Variants in CEP128 observed in about 807,000 individuals in gnomAD.
CEP128 encodes centrosomal protein 128.
In CEP128, 132 loss-of-function variants were observed where a neutral mutation model predicts 156.7. The ratio of observed to expected loss-of-function variants is 0.84; its 90% CI spans 0.73 to 0.97. CEP128 has a LOEUF of 0.97. Ranked by LOEUF, CEP128 falls within the 50% of genes least tolerant of loss-of-function variation. The probability of loss-of-function intolerance (pLI) is 0.00; values close to 1 mark genes in which losing one functional copy is unlikely to be tolerated. For synonymous variants in CEP128, 469 were observed against 448.9 expected, an observed-to-expected ratio of 1.04 and a Z score of -0.57; for missense variants, 1,252 against 1,281.9, an observed-to-expected ratio of 0.98 and a Z score of 0.36.
intron 19 of CEP128, among the ~76,000 whole-genome samples, chr14:80,647,980 T>A (rs1370002335): frequency 6.6e-6 from 1 of 152,110 alleles, no homozygotes; most frequent in Non-Finnish European, 1.5e-5. Flanking sequence ...CCAAACTTAA[T>A]TCCAAGGTTC....
Position 80,753,574 on chromosome 14 carries a change from C to T in CEP128, c.2613+3318G>A, listed in dbSNP as rs530730740. Reference sequence around the variant, plus strand: ...AGTCCATCCTGAGAGTGCTGGCCTGCGCTAGATTTGACATGTTATCCCTAC... The same window carrying T: ...AGTCCATCCTGAGAGTGCTGGCCTGTGCTAGATTTGACATGTTATCCCTAC... On this transcript the variant is annotated intron_variant, in intron 18 of 24. Coordinates refer to ENST00000555265, the MANE Select transcript of CEP128 (RefSeq NM_152446.5). 1.2e-4 allele frequency among the ~76,000 whole-genome samples: 18 copies of T among 152,250 alleles called. No individual in the cohort carries two copies. The East Asian group carries it at 1.7e-3, about 15-fold the overall frequency.
intron 7 of CEP128, 112 bp downstream of exon 7, chr14:80,899,826 C>T (rs898359337): frequency 4.0e-5 from 27 of 680,098 alleles, no homozygotes; most frequent in Admixed American, 1.0e-4. Context: ...TTTTAAGGTA[C>T]TGTATACAAA....
At chr14:80,651,588 C>T (rs1476261145) in intron 19 of CEP128, among the ~76,000 whole-genome samples, 1 of 152,068 alleles carries the variant, frequency 6.6e-6, no homozygotes, top group African/African-American at 2.4e-5. Flanking sequence ...ACTGCTTTAG[C>T]TGTGTCCCAG....
rs1889323057 is a variant in CEP128, at chr14:80,895,798, G to GGAAA, written c.573-9_573-8insTTTC. The GGAAA allele has an allele frequency of 7.9e-6, 10 of 1,264,136 alleles. No homozygotes were observed. The South Asian group carries it at 1.0e-4, about 13-fold the overall frequency. 78.3% of individuals were successfully genotyped at this position (1,264,136 alleles called of 1,614,324 possible). On this transcript the variant is annotated splice_polypyrimidine_tract_variant and intron_variant, in intron 7 of 24. Transcript: ENST00000555265. ...TTTGTTTCGGCATCTGACCTAGGAA[G>GGAAA]AAAAAAAAAAAAAAGATTTAAATTT... is the stretch of plus-strand genomic sequence containing the variant.
chr14:80,900,074 T>C, intron 6 of CEP128, 45 bp from the exon 7 acceptor site: 1 of 1,264,900 alleles, frequency 7.9e-7, no homozygotes, highest in Non-Finnish European at 1.1e-6. Flanking sequence ...TTCTGTTGAA[T>C]TCTTCCATGA....
In CEP128 at chr14:80,927,585, C is replaced by T. The variant is rs577878996; in HGVS notation, c.-15-11023G>A. On this transcript the variant is annotated intron_variant, in intron 2 of 24. Coordinates refer to ENST00000555265, the MANE Select transcript of CEP128 (RefSeq NM_152446.5). ...TCTGATCTGAATAGCCAGAGCACTT[C>T]GTGCAGAGTGTGACTGGGAGGTGGA... Among the ~76,000 whole-genome samples the T allele has an allele frequency of 2.6e-5, 4 of 152,298 alleles. 1 individual carries two copies. Among genetic ancestry groups the T allele is most frequent in the Admixed American group, 2.6e-4 (4 of 15,298 alleles).
Position 80,504,932 on chromosome 14 carries a change from G to T in CEP128, c.3161C>A (p.Pro1054Gln). The change falls in exon 24 of 25, where the codon CCA (proline) becomes CAA (glutamine). Residue 1054 changes from proline (P) to glutamine (Q), a missense_variant. Pro to Gln is a moderately conservative substitution (Grantham distance 76). Transcript: ENST00000555265. ...WQDHSRFLSS[P>Q]RFSYVNSFTK... is the part of the protein sequence containing the mutation. ...CTTACAGTTCACGTATGAAAATCTT[G>T]GACTAGACAGGAAGCGACTGTGATC... is the stretch of plus-strand genomic sequence containing the variant. 6.3e-7 allele frequency: 1 copy of T among 1,593,972 alleles called. No homozygotes were observed. Among genetic ancestry groups the T allele is most frequent in the South Asian group, 1.1e-5 (1 of 88,386 alleles).
At chr14:80,546,858 T>C (rs2140326841) in intron 21 of CEP128, among the ~76,000 whole-genome samples, 1 of 152,306 alleles carries the variant, frequency 6.6e-6, no homozygotes, top group East Asian at 1.9e-4. Context: ...CTTTTACTGT[T>C]TGATGTTCAA....
At chr14:80,834,229 A>G (rs985431697) in intron 12 of CEP128, among the ~76,000 whole-genome samples, 1 of 152,238 alleles carries the variant, frequency 6.6e-6, no homozygotes, top group African/African-American at 2.4e-5. Flanking sequence ...AGATTCAAAT[A>G]CAAAGAATGT....
chr14:80,594,625 GAAAA>G (rs1158424265), intron 19 of CEP128, among the ~76,000 whole-genome samples: 2 of 151,858 alleles, frequency 1.3e-5, no homozygotes, highest in South Asian at 4.2e-4. Context: ...AAATTTATAA[GAAAA>G]AAACAAACAA....
chr14:80,739,966 CAG>C (rs952600047), intron 19 of CEP128, among the ~76,000 whole-genome samples: 7 of 152,004 alleles, frequency 4.6e-5, no homozygotes, highest in African/African-American at 1.7e-4. Context: ...TTTGGTTATT[CAG>C]AGTTTAATAA....
chr14:80,900,082 T>C (rs1883454326), intron 6 of CEP128, 53 bp from the exon 7 acceptor site: 2 of 1,138,552 alleles, frequency 1.8e-6, no homozygotes, highest in Non-Finnish European at 2.6e-6. Flanking sequence ...AATTCTTCCA[T>C]GAAGATTCAC....
intron 19 of CEP128, among the ~76,000 whole-genome samples, chr14:80,606,018 T>A (rs930154064): frequency 2.0e-5 from 3 of 151,840 alleles, no homozygotes; most frequent in African/African-American, 4.8e-5. Context: ...ACTATGAAAA[T>A]TTTTAAATTA....
At chr14:80,533,277 A>G (rs922244396) in intron 21 of CEP128, among the ~76,000 whole-genome samples, 2 of 152,082 alleles carry the variant, frequency 1.3e-5, no homozygotes, top group Admixed American at 6.6e-5. Context: ...ATTGCATAAA[A>G]TCCTCTTCAT....
intron 8 of CEP128, among the ~76,000 whole-genome samples, chr14:80,867,268 T>G (rs1170827519): frequency 2.0e-5 from 3 of 152,152 alleles, no homozygotes; most frequent in African/African-American, 7.2e-5. Flanking sequence ...ATGGATATAA[T>G]GAATAAAGGG....
intron 8 of CEP128, among the ~76,000 whole-genome samples, chr14:80,872,293 T>C (rs571719772): frequency 1.3e-5 from 2 of 152,322 alleles, no homozygotes; most frequent in South Asian, 4.1e-4. Context: ...TAAGTGTTAA[T>C]AGAAAATATT....
At chr14:80,685,671 A>G (rs1203894058) in intron 19 of CEP128, among the ~76,000 whole-genome samples, 1 of 152,174 alleles carries the variant, frequency 6.6e-6, no homozygotes, top group East Asian at 1.9e-4. Context: ...AAGCAAAAAG[A>G]ACAAAGCTGG....
chr14:80,607,058 C>G (rs1475729574), intron 19 of CEP128, among the ~76,000 whole-genome samples: 1 of 151,180 alleles, frequency 6.6e-6, no homozygotes, highest in Non-Finnish European at 1.5e-5. Context: ...CATATATGTA[C>G]ATATATGTGT....
At chr14:80,890,008 T>C (rs998694290) in intron 8 of CEP128, among the ~76,000 whole-genome samples, 1 of 151,946 alleles carries the variant, frequency 6.6e-6, no homozygotes, top group African/African-American at 2.4e-5. Flanking sequence ...ATTTATGTGG[T>C]CAACAATCAT....
Sources: gnomAD v4.1 joint callset for allele counts (sites outside exome capture counted in the v4.1 genomes callset) on GRCh38, gnomAD v4.1.1 for gene constraint, MANE v1.5 for transcripts, NCBI Gene and HGNC (gene_info 2026-07-23, HGNC 2026-07-21) for gene names.